ANKRD55: variants seen among roughly 807,000 people sequenced by gnomAD.
ANKRD55 encodes the protein ankyrin repeat domain-containing protein 55.
A neutral mutation model predicts 60.6 loss-of-function variants in ANKRD55; 41 were observed. The ratio of observed to expected loss-of-function variants is 0.68; its 90% CI spans 0.53 to 0.88. The LOEUF (loss-of-function observed/expected upper bound fraction) is 0.88. ANKRD55 is among the 40% of genes least tolerant of loss of function. The pLI, the probability that ANKRD55 is intolerant of heterozygous loss-of-function variation, is 0.00. For missense variants in ANKRD55, 732 were observed against 767.6 expected, an observed-to-expected ratio of 0.95 and a Z score of 0.55; for synonymous variants, 264 against 290.3, an observed-to-expected ratio of 0.91 and a Z score of 0.92.
At chr5:56,219,970 G>A (rs1311740914) in intron 2 of ANKRD55, among the ~76,000 whole-genome samples, 2 of 152,358 alleles carry the variant, frequency 1.3e-5, no homozygotes, top group Admixed American at 1.3e-4. Flanking sequence ...TTCTGGCACT[G>A]TGGGGTTAGT....
chr5:56,228,663 GATCTGCCCAC>G (rs1760176045), intron 2 of ANKRD55, among the ~76,000 whole-genome samples: 1 of 152,090 alleles, frequency 6.6e-6, no homozygotes, highest in Non-Finnish European at 1.5e-5. Context: ...GATCCTAGGT[GATCTGCCCAC>G]CTTGGCTTCC....
intron 9 of ANKRD55, among the ~76,000 whole-genome samples, chr5:56,116,117 A>C (rs1342740499): frequency 6.6e-6 from 1 of 152,130 alleles, no homozygotes; most frequent in African/African-American, 2.4e-5. Flanking sequence ...AGCCTCCCAA[A>C]GTGCTGGGAT....
intron 6 of ANKRD55, among the ~76,000 whole-genome samples, chr5:56,144,751 C>T (rs1757856631): frequency 6.6e-6 from 1 of 152,168 alleles, no homozygotes; most frequent in Non-Finnish European, 1.5e-5. Flanking sequence ...CAGCTTCTTT[C>T]AGAGTTCAGG....
At chr5:56,116,584 T>C in intron 9 of ANKRD55, 31 bp downstream of exon 9, 2 of 1,440,754 alleles carry the variant, frequency 1.4e-6, no homozygotes, top group South Asian at 1.6e-5. Context: ...TTGAGAAGAA[T>C]AGAAAAATAA....
At chr5:56,137,340 G>A in intron 7 of ANKRD55, 2 of 1,479,420 alleles carry the variant, frequency 1.4e-6, no homozygotes, top group Middle Eastern at 2.4e-4. Context: ...TGGGAACAAA[G>A]CACCTAAGAT....
At chr5:56,209,760 C>T (rs778591725) in intron 2 of ANKRD55, among the ~76,000 whole-genome samples, 2 of 152,100 alleles carry the variant, frequency 1.3e-5, no homozygotes, top group Non-Finnish European at 2.9e-5. Flanking sequence ...CCACCGCGCC[C>T]GGCTACATGT....
intron 2 of ANKRD55, among the ~76,000 whole-genome samples, chr5:56,219,247 TG>T (rs1454933568): frequency 8.2e-6 from 1 of 121,894 alleles, no homozygotes; most frequent in African/African-American, 3.2e-5. Context: ...CACTCCAGCC[TG>T]GGGGATAGAG....
At position 56,224,539 on chromosome 5, in the gene ANKRD55, G is replaced by A. The variant is rs138495225; in HGVS notation, c.58+8317C>T. Among the ~76,000 whole-genome samples, 1,021 of 152,182 alleles carry A rather than the reference G, an allele frequency of 6.7e-3. 7 individuals are homozygous for A. The highest frequency in any genetic ancestry group is 0.024 in the African/African-American group (998 of 41,508). ...ACAAAAAACCCTTCAAAAAATCAGT[G>A]AATCCAGGAGCCGCTTTTTTGAAAA... On this transcript the variant is annotated intron_variant, in intron 2 of 11. Transcript: ENST00000341048.
At chr5:56,232,772 CTCTT>C (rs893680614) in intron 2 of ANKRD55, 80 bp downstream of exon 2, 2 of 1,215,778 alleles carry the variant, frequency 1.6e-6, no homozygotes, top group African/African-American at 3.7e-5. Flanking sequence ...ACACACACTT[CTCTT>C]TCTCTCCTTA....
chr5:56,121,074 C>T (rs1351417217), intron 8 of ANKRD55, among the ~76,000 whole-genome samples: 1 of 152,010 alleles, frequency 6.6e-6, no homozygotes, highest in African/African-American at 2.4e-5. Flanking sequence ...GGCGCCCGTG[C>T]CCAAGCACAG....
At chr5:56,185,791 G>T (rs1006279725) in intron 2 of ANKRD55, among the ~76,000 whole-genome samples, 1 of 152,176 alleles carries the variant, frequency 6.6e-6, no homozygotes, top group African/African-American at 2.4e-5. Context: ...GTTGGCAGTG[G>T]TCCTAACCCT....
intron 8 of ANKRD55, among the ~76,000 whole-genome samples, chr5:56,124,060 A>G (rs1757161652): frequency 6.6e-6 from 1 of 152,160 alleles, no homozygotes; most frequent in South Asian, 2.1e-4. Flanking sequence ...GTGACTGAGG[A>G]ATGATTAATG....
chr5:56,185,700 GT>G (rs1302362008), intron 2 of ANKRD55, among the ~76,000 whole-genome samples: 1 of 151,922 alleles, frequency 6.6e-6, no homozygotes, highest in African/African-American at 2.4e-5. Flanking sequence ...AGAGAAAAAG[GT>G]TTTTTTAAGT....
chr5:56,178,004 G>A (rs768495229), intron 3 of ANKRD55, among the ~76,000 whole-genome samples: 19 of 151,874 alleles, frequency 1.3e-4, no homozygotes, highest in Admixed American at 3.3e-4. Flanking sequence ...TTACAATTAT[G>A]TATTGATTGA....
rs1377277231 is a variant in ANKRD55 at position 56,099,987 on chromosome 5, T to C, written c.*196A>G. 6 of 654,166 alleles carry C rather than the reference T, an allele frequency of 9.2e-6. No individual in the cohort carries two copies. The highest frequency in any genetic ancestry group is 1.3e-5 in the Non-Finnish European group (5 of 396,300). 40.5% of individuals were successfully genotyped at this position (654,166 alleles called of 1,614,324 possible). Reference sequence around the variant, plus strand: ...AAGTCACAGAAATTCACAGACTTAATATGCACACCCAAATATTCTAAGTGC... The same window carrying C: ...AAGTCACAGAAATTCACAGACTTAACATGCACACCCAAATATTCTAAGTGC... On this transcript the variant is annotated 3_prime_UTR_variant, in exon 12 of 12. Coordinates refer to ENST00000341048, the MANE Select transcript of ANKRD55 (RefSeq NM_024669.3).
At chr5:56,205,219 C>T (rs1211117413) in intron 2 of ANKRD55, among the ~76,000 whole-genome samples, 2 of 152,102 alleles carry the variant, frequency 1.3e-5, no homozygotes, top group African/African-American at 2.4e-5. Context: ...TGCCACCATG[C>T]CCAGCTAATT....
chr5:56,233,265 A>G lies in ANKRD55; in HGVS notation c.-58T>C. 1 of 261,688 alleles carries G rather than the reference A, an allele frequency of 3.8e-6. No individual in the cohort carries two copies. The highest frequency in any genetic ancestry group is 7.3e-6 in the Non-Finnish European group (1 of 136,098). 16.2% of individuals were successfully genotyped at this position (261,688 alleles called of 1,614,324 possible). ...CCTTGGATCTGGGCTGGAAAAACAC[A>G]GCAGATCACGGAGCTTCAGCAGCTG... On this transcript the variant is annotated 5_prime_UTR_variant, in exon 1 of 12. Coordinates refer to ENST00000341048, the MANE Select transcript of ANKRD55 (RefSeq NM_024669.3).
chr5:56,171,283 G>T (rs777318428), intron 4 of ANKRD55, among the ~76,000 whole-genome samples: 1 of 152,150 alleles, frequency 6.6e-6, no homozygotes, highest in East Asian at 1.9e-4. Flanking sequence ...GATGCTGAAA[G>T]CTTGAATTCC....
chr5:56,178,953 G>A (rs1346393066), intron 3 of ANKRD55, among the ~76,000 whole-genome samples: 1 of 135,230 alleles, frequency 7.4e-6, no homozygotes, highest in African/African-American at 3.3e-5. Flanking sequence ...TAAAGTATAA[G>A]TTGGGACAAC....
Sources: gnomAD v4.1 joint callset for allele counts (sites outside exome capture counted in the v4.1 genomes callset) on GRCh38, gnomAD v4.1.1 for gene constraint, MANE v1.5 for transcripts, NCBI Gene and HGNC (gene_info 2026-07-23, HGNC 2026-07-21) for gene names.